CDH8: variants seen among roughly 807,000 people sequenced by gnomAD.
CDH8 encodes the protein cadherin-8.
CDH8 carries 17 observed loss-of-function variants against 68.1 expected under a neutral mutation model. The observed-to-expected ratio is 0.25, with a 90% CI of 0.17 to 0.37. The LOEUF is 0.37. CDH8 is among the 10% of genes least tolerant of loss of function. The pLI, the probability that CDH8 is intolerant of heterozygous loss-of-function variation, is 1.00. For missense variants in CDH8, 763 were observed against 999.3 expected (o/e 0.76, Z 3.19); for synonymous variants, 372 against 365.1 (o/e 1.02, Z -0.21).
In CDH8 at chr16:61,844,196, T is replaced by C. The variant is rs536131436; in HGVS notation, c.667+12923A>G. On this transcript the variant is annotated intron_variant, in intron 4 of 11. Transcript: ENST00000577390. ...CAAGGACAAAAAAACAAACACTGCA[T>C]GTTCTCACTCATAGGTGGGAATTGA... Among the ~76,000 whole-genome samples the C allele has an allele frequency of 4.7e-5, 7 of 147,436 alleles. No homozygotes were observed. In the South Asian group the frequency reaches 1.3e-3, roughly 27 times the overall value.
chr16:61,699,239 G>T (rs527955843), intron 10 of CDH8, among the ~76,000 whole-genome samples: 2 of 152,216 alleles, frequency 1.3e-5, no homozygotes, highest in South Asian at 4.1e-4. Flanking sequence ...AAAACTCCAC[G>T]TTTTAGTCTC....
intron 10 of CDH8, among the ~76,000 whole-genome samples, chr16:61,658,423 T>C (rs1054691108): frequency 6.6e-6 from 1 of 151,974 alleles, no homozygotes; most frequent in Non-Finnish European, 1.5e-5. Context: ...TAAAATTATT[T>C]TTTGGTTGTT....
intron 10 of CDH8, among the ~76,000 whole-genome samples, chr16:61,668,143 A>G (rs1028814802): frequency 6.6e-6 from 1 of 152,028 alleles, no homozygotes; most frequent in Admixed American, 6.6e-5. Context: ...CTATAGATCT[A>G]AATTCCATAC....
intron 2 of CDH8, among the ~76,000 whole-genome samples, chr16:61,969,527 C>A (rs372370039): frequency 5.3e-5 from 8 of 152,270 alleles, no homozygotes; most frequent in South Asian, 4.2e-4. Flanking sequence ...CAGACTATTT[C>A]GGTCAGTATC....
chr16:61,981,673 TGTGTGTGTGC>T (rs1222778055), intron 2 of CDH8, among the ~76,000 whole-genome samples: 132 of 151,460 alleles, frequency 8.7e-4, no homozygotes, highest in African/African-American at 3.1e-3. Flanking sequence ...TGTGTGTGTG[TGTGTGTGTGC>T]GCGCGCGCGC....
intron 4 of CDH8, among the ~76,000 whole-genome samples, chr16:61,834,946 T>C (rs376966346): frequency 3.3e-5 from 5 of 152,014 alleles, no homozygotes; most frequent in East Asian, 3.9e-4. Context: ...AACTTAATTA[T>C]AAAATTTTTT....
chr16:61,959,972 GTGTGTGTGTGTGTA>G (rs1965063725), intron 2 of CDH8, among the ~76,000 whole-genome samples: 1 of 51,836 alleles, frequency 1.9e-5, no homozygotes, highest in African/African-American at 9.8e-5. Context: ...TGTGGTGTAT[GTGTGTGTGTGTGTA>G]TATATATATA....
At chr16:61,719,654 T>G (rs925614581) in intron 9 of CDH8, among the ~76,000 whole-genome samples, 10 of 151,012 alleles carry the variant, frequency 6.6e-5, no homozygotes, top group Non-Finnish European at 1.3e-4. Context: ...TTCAATCTTA[T>G]CTCTTCTTTA....
At chr16:61,919,728 T>C (rs1165671014) in intron 2 of CDH8, among the ~76,000 whole-genome samples, 1 of 151,954 alleles carries the variant, frequency 6.6e-6, no homozygotes, top group Non-Finnish European at 1.5e-5. Flanking sequence ...GGAACCAAGT[T>C]GGAAAACACT....
At chr16:61,853,552 G>A (rs1182808972) in intron 4 of CDH8, among the ~76,000 whole-genome samples, 3 of 152,068 alleles carry the variant, frequency 2.0e-5, no homozygotes, top group African/African-American at 7.2e-5. Context: ...GTGTAAAAAG[G>A]AACTGAAGGT....
chr16:61,773,478 T>C (rs1441098760), intron 8 of CDH8, among the ~76,000 whole-genome samples: 1 of 152,114 alleles, frequency 6.6e-6, no homozygotes, highest in Non-Finnish European at 1.5e-5. Context: ...TATTTGTGTA[T>C]TGTTTATAAA....
intron 2 of CDH8, among the ~76,000 whole-genome samples, chr16:61,994,634 G>A (rs1830424299): frequency 6.6e-6 from 1 of 152,178 alleles, no homozygotes. Context: ...TACTAAAAGT[G>A]TGGTCTTCAG....
chr16:61,697,545 G>GT (rs1964350655), intron 10 of CDH8, among the ~76,000 whole-genome samples: 1 of 151,422 alleles, frequency 6.6e-6, no homozygotes, highest in Non-Finnish European at 1.5e-5. Flanking sequence ...CCAGACTGGA[G>GT]TACAGTGGTG....
intron 2 of CDH8, among the ~76,000 whole-genome samples, chr16:61,981,679 T>TGCGCGCGCGC (rs911560498): frequency 6.8e-6 from 1 of 148,142 alleles, no homozygotes; most frequent in African/African-American, 2.6e-5. Flanking sequence ...TGTGTGTGTG[T>TGCGCGCGCGC]GTGCGCGCGC....
Position 61,887,645 on chromosome 16 carries a change from A to T in CDH8, c.547+13534T>A, listed in dbSNP as rs140524801. 7.4e-3 allele frequency among the ~76,000 whole-genome samples: 1,126 copies of T among 152,072 alleles called. 18 individuals are homozygous for T. Among genetic ancestry groups the T allele is most frequent in the Non-Finnish European group, 9.0e-3 (614 of 67,994 alleles). ...CACCATGTGACCCCATTTAACCTTC[A>T]TTACCTCCTTAAAAGTCCCATCTCC... On this transcript the variant is annotated intron_variant, in intron 3 of 11. Transcript: ENST00000577390.
At chr16:61,764,126 T>A (rs1358371908) in intron 8 of CDH8, among the ~76,000 whole-genome samples, 1 of 152,098 alleles carries the variant, frequency 6.6e-6, no homozygotes, top group East Asian at 1.9e-4. Context: ...TTAAATCACA[T>A]GACATTCCTA....
chr16:61,922,290 C>T (rs141707638), intron 2 of CDH8, among the ~76,000 whole-genome samples: 111 of 152,184 alleles, frequency 7.3e-4, no homozygotes, highest in African/African-American at 2.5e-3. Context: ...AAATATTTTC[C>T]ATGCAAATTT....
chr16:61,776,940 C>T (rs1471913020), intron 8 of CDH8, among the ~76,000 whole-genome samples: 1 of 151,978 alleles, frequency 6.6e-6, no homozygotes, highest in Non-Finnish European at 1.5e-5. Flanking sequence ...CACATGCACC[C>T]CTGAACTTAA....
intron 7 of CDH8, among the ~76,000 whole-genome samples, chr16:61,809,119 G>A (rs1035593334): frequency 4.6e-5 from 7 of 152,022 alleles, no homozygotes; most frequent in African/African-American, 1.7e-4. Flanking sequence ...CCGGAAGGTG[G>A]GGGTTGCTGT....
Sources: gnomAD v4.1 joint callset for allele counts (sites outside exome capture counted in the v4.1 genomes callset) on GRCh38, gnomAD v4.1.1 for gene constraint, MANE v1.5 for transcripts, NCBI Gene and HGNC (gene_info 2026-07-23, HGNC 2026-07-21) for gene names.